The following CCDC97 variants were observed in gnomAD, a reference collection of about 807,000 sequenced individuals.
CCDC97 encodes coiled-coil domain containing 97.
A neutral mutation model predicts 33.9 loss-of-function variants in CCDC97; 27 were observed. The ratio of observed to expected loss-of-function variants is 0.80; its 90% CI spans 0.59 to 1.10. The LOEUF is 1.10. Among genes scored for constraint, CCDC97 ranks in the 50% least tolerant of loss-of-function variants. The probability of loss-of-function intolerance (pLI) is 0.00; values close to 1 mark genes in which losing one functional copy is unlikely to be tolerated. For missense variants in CCDC97, 422 were observed against 476.6 expected (o/e 0.89, Z 1.07); for synonymous variants, 217 against 194.0 (o/e 1.12, Z -0.99).
At position 41,316,515 on chromosome 19, in the gene CCDC97, A is replaced by T; in HGVS notation, c.178A>T (p.Asn60Tyr). Residue 60 changes from asparagine to tyrosine, a missense_variant, in exon 2 of 5, where the codon AAT becomes TAT. Coordinates refer to ENST00000269967, the MANE Select transcript of CCDC97 (RefSeq NM_052848.3). The part of the protein sequence containing the change: ...ALDSDTSGAE[N>Y]AAVSAMLHAV... Reference sequence around the variant, plus strand: ...GGACAGTGACACCTCCGGGGCTGAAAATGCAGCAGTGAGTGCTATGCTGCA... The same window carrying T: ...GGACAGTGACACCTCCGGGGCTGAATATGCAGCAGTGAGTGCTATGCTGCA... 2 of 1,614,212 alleles carry T rather than the reference A, an allele frequency of 1.2e-6. No individual in the cohort carries two copies. The highest frequency in any genetic ancestry group is 1.7e-6 in the Non-Finnish European group (2 of 1,180,032).
chr19:41,319,522 A>G, intron 2 of CCDC97, 52 bp from the exon 3 acceptor site: 3 of 1,310,512 alleles, frequency 2.3e-6, no homozygotes, highest in Non-Finnish European at 3.2e-6. Context: ...CCACATGGAC[A>G]CTATCTGCTC....
rs2037753591 is a variant in CCDC97, at chr19:41,316,774, G to A, written c.437G>A (p.Arg146Gln). 15 of 1,609,058 alleles carry A rather than the reference G, an allele frequency of 9.3e-6. No individual in the cohort carries two copies. The highest frequency in any genetic ancestry group is 3.3e-4 in the Middle Eastern group (2 of 6,056). The change falls in exon 2 of 5, where the codon CGG becomes CAG. Residue 146 changes from arginine (R) to glutamine (Q), a missense_variant. Arg to Gln is a conservative substitution (Grantham distance 43, BLOSUM62 1). Coordinates refer to ENST00000269967, the MANE Select transcript of CCDC97 (RefSeq NM_052848.3). ...GAGGTGGCCCGGCAGGGCACTGCCC[G>A]GCCCCGCACCCTGCGTACCCGCCTG... ...CAEVARQGTA[R>Q]PRTLRTRLRN...
In CCDC97 at chr19:41,319,656, G is replaced by A; in HGVS notation, c.585G>A (p.Gln195=). The A allele has an allele frequency of 6.2e-7, 1 of 1,614,102 alleles. No individual in the cohort carries two copies. The highest frequency in any genetic ancestry group is 8.5e-7 in the Non-Finnish European group (1 of 1,179,978). The change falls in exon 3 of 5, where the codon CAG becomes CAA. Residue 195 remains glutamine (Q), a synonymous_variant. Transcript: ENST00000269967. The part of the protein sequence containing the change: ...YEQYIGQYLT[Q]EELSARTPTH... ...AGTACATCGGGCAGTATCTCACCCA[G>A]GAGGAGCTCAGTGCCCGCACCCCAA... is the stretch of plus-strand genomic sequence containing the variant.
Position 41,316,679 on chromosome 19 carries a change from C to G in CCDC97, c.342C>G (p.Gly114=). The change falls in exon 2 of 5, where the codon GGC becomes GGG. Residue 114 remains glycine, a synonymous_variant. Coordinates refer to ENST00000269967, the MANE Select transcript of CCDC97 (RefSeq NM_052848.3). The stretch of plus-strand genomic sequence containing the variant: ...TGTTCCTGGAGCGCTTCCGCACAGG[C>G]CTCCGTGAGGAGCATCTGGCCTGCT... The part of the protein sequence containing the change: ...PLVFLERFRT[G]LREEHLACFG... 6.2e-7 allele frequency: 1 copy of G among 1,614,100 alleles called. No individual in the cohort carries two copies. The highest frequency in any genetic ancestry group is 8.5e-7 in the Non-Finnish European group (1 of 1,180,000).
intron 1 of CCDC97, chr19:41,310,984 G>A: frequency 2.2e-5 from 11 of 506,718 alleles, no homozygotes; most frequent in Non-Finnish European, 2.5e-5. Flanking sequence ...TGGTAATTGT[G>A]GAAGCCAGAT....
chr19:41,316,742 C>T lies in CCDC97; in HGVS notation c.405C>T (p.Tyr135=), dbSNP rs538814988. 8.4e-4 allele frequency: 1,361 copies of T among 1,613,858 alleles called. 14 individuals are homozygous for T. The South Asian group carries it at 0.014, about 17-fold the overall frequency. ...HVRGDHRADF[Y]CAEVARQGTA... ...GTGGCGACCACCGTGCAGACTTCTA[C>T]TGTGCTGAGGTGGCCCGGCAGGGCA... Residue 135 remains tyrosine (Y), a synonymous_variant, in exon 2 of 5, where the codon TAC becomes TAT. Coordinates refer to ENST00000269967, the MANE Select transcript of CCDC97 (RefSeq NM_052848.3).
chr19:41,313,197 C>CT (rs1265406905), intron 1 of CCDC97, among the ~76,000 whole-genome samples: 1 of 152,176 alleles, frequency 6.6e-6, no homozygotes, highest in Non-Finnish European at 1.5e-5. Flanking sequence ...CCTGGACCCT[C>CT]TTGTCATCCC....
At chr19:41,312,204 C>T (rs543222907) in intron 1 of CCDC97, among the ~76,000 whole-genome samples, 1 of 152,312 alleles carries the variant, frequency 6.6e-6, no homozygotes, top group East Asian at 1.9e-4. Context: ...GTGCCTCAGC[C>T]TCCCAAGTAG....
Position 41,319,127 on chromosome 19 carries a change from C to T in CCDC97, c.503-447C>T, listed in dbSNP as rs961092321. On this transcript the variant is annotated intron_variant, in intron 2 of 4. Coordinates refer to ENST00000269967, the MANE Select transcript of CCDC97 (RefSeq NM_052848.3). ...CATCGTGCCTGGACACAGTTGTACACGAGCTCCAGACCGTCAGAGCCTCAG... is the reference window on the plus strand; with the variant it reads ...CATCGTGCCTGGACACAGTTGTACATGAGCTCCAGACCGTCAGAGCCTCAG... 3.9e-5 allele frequency among the ~76,000 whole-genome samples: 6 copies of T among 152,212 alleles called. No homozygotes were observed. In the South Asian group the frequency reaches 6.2e-4, roughly 16 times the overall value.
intron 1 of CCDC97, among the ~76,000 whole-genome samples, chr19:41,314,294 G>A (rs1339633169): frequency 1.3e-5 from 2 of 151,992 alleles, no homozygotes; most frequent in African/African-American, 2.4e-5. Flanking sequence ...TTACAGGCAT[G>A]TGCCACAATG....
At position 41,320,372 on chromosome 19, in the gene CCDC97, G is replaced by C. The variant is rs374299134; in HGVS notation, c.813G>C (p.Trp271Cys). ...GGTCAGGCAAGGACTCGGAGGCCTGGGTTCCCGACTCGGAGGAGAGGCTGA... is the reference window on the plus strand; with the variant it reads ...GGTCAGGCAAGGACTCGGAGGCCTGCGTTCCCGACTCGGAGGAGAGGCTGA... ...DQRSGKDSEA[W>C]VPDSEERLIL... is the part of the protein sequence containing the mutation. The change falls in exon 4 of 5, where the codon TGG (tryptophan) becomes TGC (cysteine). Residue 271 changes from tryptophan to cysteine, a missense_variant. Transcript: ENST00000269967. The C allele has an allele frequency of 3.2e-5, 52 of 1,613,994 alleles. No homozygotes were observed. Among genetic ancestry groups the C allele is most frequent in the Non-Finnish European group, 9.3e-6 (11 of 1,180,022 alleles).
intron 1 of CCDC97, chr19:41,310,571 T>A: frequency 1.0e-6 from 1 of 985,312 alleles, no homozygotes; most frequent in Non-Finnish European, 1.2e-6. Flanking sequence ...ATTAACCTCT[T>A]CCCAGTTCCA....
chr19:41,310,504 A>G, intron 1 of CCDC97, 148 bp downstream of exon 1: 1 of 1,465,876 alleles, frequency 6.8e-7, no homozygotes, highest in Non-Finnish European at 9.0e-7. Context: ...CTTTGCCCAG[A>G]TTATTCCCTC....
chr19:41,310,582 G>A lies in CCDC97; in HGVS notation c.46+226G>A, dbSNP rs187649311. The A allele has an allele frequency of 3.6e-4, 355 of 985,074 alleles. No individual in the cohort carries two copies. The African/African-American group carries it at 5.9e-3, about 16-fold the overall frequency. 61.0% of individuals were successfully genotyped at this position (985,074 alleles called of 1,614,324 possible). ...CGAAATTAACCTCTTCCCAGTTCCAGACCAATCCTTTCCATGTCCCTAATT... is the reference window on the plus strand; with the variant it reads ...CGAAATTAACCTCTTCCCAGTTCCAAACCAATCCTTTCCATGTCCCTAATT... On this transcript the variant is annotated intron_variant, in intron 1 of 4. Transcript: ENST00000269967.
chr19:41,319,054 A>G (rs1043699420), intron 2 of CCDC97, among the ~76,000 whole-genome samples: 4 of 152,004 alleles, frequency 2.6e-5, no homozygotes, highest in African/African-American at 9.7e-5. Flanking sequence ...CTCACAGGAC[A>G]TGTGTGTGTA....
chr19:41,315,118 G>A (rs879557618), intron 1 of CCDC97, among the ~76,000 whole-genome samples: 19 of 150,160 alleles, frequency 1.3e-4, no homozygotes, highest in Non-Finnish European at 2.4e-4. Context: ...CAGCCAAGAT[G>A]GTGAAACCCT....
chr19:41,319,406 AC>A (rs750974456), intron 2 of CCDC97, among the ~76,000 whole-genome samples, 167 bp from the exon 3 acceptor site: 1 of 152,128 alleles, frequency 6.6e-6, no homozygotes, highest in Non-Finnish European at 1.5e-5. Context: ...ATGAGTACTC[AC>A]GCGCACCTCA....
chr19:41,320,332 C>CT lies in CCDC97; in HGVS notation c.782-9_782-8insT. 6.2e-7 allele frequency: 1 copy of CT among 1,613,700 alleles called. No individual in the cohort carries two copies. Among genetic ancestry groups the CT allele is most frequent in the Non-Finnish European group, 8.5e-7 (1 of 1,179,958 alleles). On this transcript the variant is annotated splice_polypyrimidine_tract_variant and intron_variant, in intron 3 of 4. Coordinates refer to ENST00000269967, the MANE Select transcript of CCDC97 (RefSeq NM_052848.3). ...CCGCATTCACACCCCCTCTCCTCTC[C>CT]CTCTGCAGACCAGAGGTCAGGCAAG...
In CCDC97 at chr19:41,310,354, AG is replaced by A. The variant is rs2037667069; in HGVS notation, c.46+1del. On this transcript the variant is annotated frameshift_variant and splice_region_variant, in exon 1 of 5. Transcript: ENST00000269967. LOFTEE classifies it high-confidence loss of function. ...ATATAAKEPD[K>X]GCIEPGPGHW... ...GCGACGGCGGCGAAGGAACCCGATA[AG>A]GGTGAGATCTTGGTCACGCGCAGGC... 1.2e-6 allele frequency: 2 copies of A among 1,605,542 alleles called. No homozygotes were observed. Among genetic ancestry groups the A allele is most frequent in the Non-Finnish European group, 1.7e-6 (2 of 1,176,568 alleles).
Sources: gnomAD v4.1 joint callset for allele counts (sites outside exome capture counted in the v4.1 genomes callset) on GRCh38, gnomAD v4.1.1 for gene constraint, MANE v1.5 for transcripts, NCBI Gene and HGNC (gene_info 2026-07-23, HGNC 2026-07-21) for gene names.